Variants in XRCC6 observed in about 807,000 individuals in gnomAD.
XRCC6 encodes the protein X-ray repair cross complementing 6, also known as DNA repair protein Ku70.
A neutral mutation model predicts 65.7 loss-of-function variants in XRCC6; 5 were observed. That is an observed-to-expected ratio of 0.08 (90% confidence interval 0.04 to 0.16). The LOEUF (loss-of-function observed/expected upper bound fraction) is 0.16. Among genes scored for constraint, XRCC6 ranks in the 10% least tolerant of loss-of-function variants. XRCC6 has a pLI of 1.00. For missense variants in XRCC6, 447 were observed against 738.1 expected, an observed-to-expected ratio of 0.61 and a Z score of 4.57; for synonymous variants, 270 against 270.6, an observed-to-expected ratio of 1.00 and a Z score of 0.02.
intron 3 of XRCC6, among the ~76,000 whole-genome samples, chr22:41,632,147 GAGGGAGACCGTGGGGAGAGGGAT>G (rs1462180505): frequency 2.6e-5 from 4 of 151,982 alleles, no homozygotes; most frequent in African/African-American, 9.7e-5. Flanking sequence ...ACCGTGGGGA[GAGGGAGACCGTGGGGAGAGGGAT>G]AGGGAGAGGG....
intron 6 of XRCC6, among the ~76,000 whole-genome samples, chr22:41,638,856 C>T (rs1029525553): frequency 6.7e-6 from 1 of 149,790 alleles, no homozygotes; most frequent in African/African-American, 2.5e-5. Context: ...ACGAATGGAA[C>T]TTACAAGACT....
At chr22:41,662,341 C>T (rs1264675242) in intron 12 of XRCC6, among the ~76,000 whole-genome samples, 1 of 146,988 alleles carries the variant, frequency 6.8e-6, no homozygotes, top group Non-Finnish European at 1.5e-5. Flanking sequence ...ATATATATAC[C>T]TAGTATGTAC....
chr22:41,659,909 C>T (rs1057223467), intron 11 of XRCC6, among the ~76,000 whole-genome samples: 1 of 151,240 alleles, frequency 6.6e-6, no homozygotes, highest in Non-Finnish European at 1.5e-5. Flanking sequence ...TCATCTTGAA[C>T]TCCTGACCTT....
intron 3 of XRCC6, among the ~76,000 whole-genome samples, chr22:41,630,936 A>G (rs1601530876): frequency 6.6e-6 from 1 of 152,020 alleles, no homozygotes; most frequent in Non-Finnish European, 1.5e-5. Context: ...ATTCCACAAA[A>G]CCACCATTGT....
chr22:41,636,474 C>T, intron 4 of XRCC6, 42 bp from the exon 5 acceptor site: 3 of 1,604,122 alleles, frequency 1.9e-6, no homozygotes, highest in Non-Finnish European at 2.6e-6. Context: ...CACTGACATT[C>T]TTCTGATTTT....
rs1488250273 is a variant in XRCC6, at chr22:41,661,387, G to A, written c.1579G>A (p.Glu527Lys). 5.0e-6 allele frequency: 8 copies of A among 1,614,038 alleles called. No individual in the cohort carries two copies. Reference protein sequence around the residue: ...RLGSLVDEFKELVYPPDYNPE... With the variant: ...RLGSLVDEFKKLVYPPDYNPE... ...GGGCTCCTTGGTGGATGAGTTTAAGGAGCTTGTTTACCCACCAGATTACAA... is the reference window on the plus strand; with the variant it reads ...GGGCTCCTTGGTGGATGAGTTTAAGAAGCTTGTTTACCCACCAGATTACAA... The change falls in exon 12 of 13, where the codon GAG becomes AAG. Residue 527 changes from glutamate to lysine, a missense_variant. Transcript: ENST00000360079.
rs781260796 is a variant in XRCC6, at chr22:41,636,226, C to T, written c.309C>T (p.Tyr103=). ...DKNSVNFKNI[Y]VLQELDNPGA... Reference sequence around the variant, plus strand: ...ATTCAGTGAATTTTAAAAATATTTACGTCTTACAGGAGCTGGATAATCCAG... The same window carrying T: ...ATTCAGTGAATTTTAAAAATATTTATGTCTTACAGGAGCTGGATAATCCAG... Residue 103 remains tyrosine, a synonymous_variant, in exon 4 of 13, where the codon TAC becomes TAT. Transcript: ENST00000360079. 50 of 1,601,422 alleles carry T rather than the reference C, an allele frequency of 3.1e-5. No homozygotes were observed. Among genetic ancestry groups the T allele is most frequent in the South Asian group, 2.8e-4 (25 of 88,704 alleles).
At chr22:41,662,991 G>T (rs1230120023) in intron 12 of XRCC6, among the ~76,000 whole-genome samples, 1 of 152,154 alleles carries the variant, frequency 6.6e-6, no homozygotes, top group Non-Finnish European at 1.5e-5. Context: ...TGAGGTAGGA[G>T]AATCCCTTGA....
At position 41,650,879 on chromosome 22, in the gene XRCC6, T is replaced by C. The variant is rs764939773; in HGVS notation, c.1117T>C (p.Ser373Pro). The C allele has an allele frequency of 4.5e-5, 73 of 1,613,692 alleles. No individual in the cohort carries two copies. The highest frequency in any genetic ancestry group is 6.1e-5 in the Non-Finnish European group (72 of 1,179,964). ...CTCCCTGTTCGTGTACCCAGAGGAG[T>C]CGCTGGTGATTGGTAAGTAGCGTGG... is the stretch of plus-strand genomic sequence containing the variant. Reference protein sequence around the residue: ...RPSLFVYPEESLVIGSSTLFS... With the variant: ...RPSLFVYPEEPLVIGSSTLFS... The change falls in exon 8 of 13, where the codon TCG becomes CCG. Residue 373 changes from serine to proline, a missense_variant. Coordinates refer to ENST00000360079, the MANE Select transcript of XRCC6 (RefSeq NM_001469.5).
intron 2 of XRCC6, among the ~76,000 whole-genome samples, chr22:41,624,383 A>G (rs115319768): frequency 0.043 from 6,101 of 143,296 alleles, 263 homozygotes; most frequent in African/African-American, 0.099. Flanking sequence ...GTGAAACTCT[A>G]TCTCAAAAAA....
chr22:41,640,116 A>G (rs1279485612), intron 6 of XRCC6, among the ~76,000 whole-genome samples: 1 of 151,918 alleles, frequency 6.6e-6, no homozygotes, highest in African/African-American at 2.4e-5. Context: ...TCCTGGGCTC[A>G]GGCAGTCTTC....
At chr22:41,643,745 C>A (rs1036592637) in intron 6 of XRCC6, among the ~76,000 whole-genome samples, 4 of 151,524 alleles carry the variant, frequency 2.6e-5, no homozygotes, top group Non-Finnish European at 5.9e-5. Flanking sequence ...CACTTGAACT[C>A]GGGAGGCGGA....
At chr22:41,632,696 A>T (rs1016991901) in intron 3 of XRCC6, among the ~76,000 whole-genome samples, 2 of 150,766 alleles carry the variant, frequency 1.3e-5, no homozygotes, top group Non-Finnish European at 3.0e-5. Context: ...GGTGGTGTGC[A>T]CTTGTAGTCC....
intron 3 of XRCC6, among the ~76,000 whole-genome samples, chr22:41,633,491 C>G (rs1414068081): frequency 2.0e-5 from 3 of 152,048 alleles, no homozygotes. Context: ...ATTCTCCTGC[C>G]TCAGCCTCCT....
Position 41,663,709 on chromosome 22 carries a change from A to G in XRCC6, c.1724A>G (p.Lys575Arg), listed in dbSNP as rs2068121561. 6 of 1,613,852 alleles carry G rather than the reference A, an allele frequency of 3.7e-6. No individual in the cohort carries two copies. Among genetic ancestry groups the G allele is most frequent in the African/African-American group, 1.3e-5 (1 of 74,912 alleles). The part of the protein sequence containing the change: ...KTHISKGTLG[K>R]FTVPMLKEAC... ...CACATCAGCAAGGGTACGCTGGGCA[A>G]GTTCACTGTGCCCATGCTGAAAGAG... The change falls in exon 13 of 13, where the codon AAG becomes AGG. Residue 575 changes from lysine to arginine, a missense_variant. Lys to Arg is a conservative substitution (Grantham distance 26). Coordinates refer to ENST00000360079, the MANE Select transcript of XRCC6 (RefSeq NM_001469.5).
intron 3 of XRCC6, among the ~76,000 whole-genome samples, chr22:41,634,309 C>T (rs1569084281): frequency 6.6e-6 from 1 of 151,840 alleles, no homozygotes; most frequent in Non-Finnish European, 1.5e-5. Flanking sequence ...CCTCAGCACC[C>T]CTGAGTAGCT....
At chr22:41,647,580 T>TG (rs2067945843) in intron 7 of XRCC6, among the ~76,000 whole-genome samples, 1 of 44,064 alleles carries the variant, frequency 2.3e-5, no homozygotes, top group African/African-American at 8.0e-5. Flanking sequence ...TAACTCCGTC[T>TG]CAAAAAAAAA....
At chr22:41,661,585 A>G in intron 12 of XRCC6, 141 bp downstream of exon 12, 1 of 692,002 alleles carries the variant, frequency 1.4e-6, no homozygotes. Context: ...AGACAATAAC[A>G]AATGCTGGCA....
intron 8 of XRCC6, among the ~76,000 whole-genome samples, chr22:41,652,552 G>T (rs989765019): frequency 1.3e-5 from 2 of 152,048 alleles, no homozygotes; most frequent in African/African-American, 4.8e-5. Flanking sequence ...TGTTAGTAGA[G>T]ACAGGGTTTT....
Sources: allele counts gnomAD v4.1 joint callset (sites outside exome capture counted in the v4.1 genomes callset), GRCh38; gene constraint gnomAD v4.1.1; transcripts MANE v1.5; gene names NCBI Gene and HGNC (gene_info 2026-07-23, HGNC 2026-07-21).